PRSS37: variants seen among roughly 807,000 people sequenced by gnomAD.
PRSS37 encodes probable inactive serine protease 37.
PRSS37 carries 25 observed loss-of-function variants against 28.0 expected under a neutral mutation model. That is an observed-to-expected ratio of 0.89 (90% CI 0.65 to 1.25). The LOEUF is 1.25. PRSS37 is among the 50% of genes most tolerant of loss of function. The probability of loss-of-function intolerance (pLI) is 0.00; values close to 1 mark genes in which losing one functional copy is unlikely to be tolerated. For missense variants in PRSS37, 282 were observed against 292.2 expected, an observed-to-expected ratio of 0.97 and a Z score of 0.25; for synonymous variants, 109 against 107.8, an observed-to-expected ratio of 1.01 and a Z score of -0.07.
At chr7:141,839,813 A>G (rs1445879458) in intron 1 of PRSS37, among the ~76,000 whole-genome samples, 1 of 152,168 alleles carries the variant, frequency 6.6e-6, no homozygotes, top group African/African-American at 2.4e-5. Context: ...CTGTGACCTA[A>G]TCATTCCAAC....
chr7:141,839,512 A>T (rs1334705069), intron 1 of PRSS37, 33 bp from the exon 2 acceptor site: 1 of 1,519,590 alleles, frequency 6.6e-7, no homozygotes, highest in African/African-American at 1.4e-5. Flanking sequence ...TAATACATAA[A>T]TATTATAAAA....
chr7:141,838,782 G>T, intron 2 of PRSS37: 2 of 331,528 alleles, frequency 6.0e-6, no homozygotes, highest in Non-Finnish European at 5.9e-6. Context: ...ATCTCTCCTT[G>T]CCTCCTTTGA....
In PRSS37 at chr7:141,837,844, T is replaced by C; in HGVS notation, c.430+16A>G. 1.2e-6 allele frequency: 2 copies of C among 1,601,642 alleles called. No individual in the cohort carries two copies. The highest frequency in any genetic ancestry group is 1.7e-6 in the Non-Finnish European group (2 of 1,172,132). On this transcript the variant is annotated intron_variant, in intron 3 of 4. Transcript: ENST00000350549. ...GACAACTGATGACCCTGATTTGCTG[T>C]GGAAGGCACACTTACCACTGTTTTC...
rs754286777 is a variant in PRSS37, at chr7:141,838,062, A to T, written c.228T>A (p.Thr76=). The change falls in exon 3 of 5, where the codon ACT becomes ACA. Residue 76 remains threonine (T), a synonymous_variant. Coordinates refer to ENST00000350549, the MANE Select transcript of PRSS37 (RefSeq NM_001008270.3). Reference sequence around the variant, plus strand: ...TCTGAATGGGGTTAATTGTCTGTTCAGTACCGTCTCTGACTCTGCTCTTGA... The same window carrying T: ...TCTGAATGGGGTTAATTGTCTGTTCTGTACCGTCTCTGACTCTGCTCTTGA... ...GNFKSRVRDG[T]EQTINPIQIV... The T allele has an allele frequency of 1.2e-6, 2 of 1,614,136 alleles. No individual in the cohort carries two copies. The highest frequency in any genetic ancestry group is 1.7e-6 in the Non-Finnish European group (2 of 1,180,032).
chr7:141,840,906 A>T lies in PRSS37; in HGVS notation c.34+110T>A, dbSNP rs1474043383. The T allele has an allele frequency of 2.8e-6, 3 of 1,085,050 alleles. No homozygotes were observed. In the African/African-American group the frequency reaches 4.7e-5, roughly 17 times the overall value. 67.2% of individuals were successfully genotyped at this position (1,085,050 alleles called of 1,614,324 possible). ...AGAGGCAGGACTCCTAATTCTGCTGATGACACTATTTTTGACTCTTTTTCT... is the reference window on the plus strand; with the variant it reads ...AGAGGCAGGACTCCTAATTCTGCTGTTGACACTATTTTTGACTCTTTTTCT... On this transcript the variant is annotated intron_variant, in intron 1 of 4. Coordinates refer to ENST00000350549, the MANE Select transcript of PRSS37 (RefSeq NM_001008270.3).
In PRSS37 at chr7:141,837,222, G is replaced by A. The variant is rs1800992540; in HGVS notation, c.457C>T (p.Leu153=). 1 of 1,608,304 alleles carries A rather than the reference G, an allele frequency of 6.2e-7. No homozygotes were observed. Residue 153 remains leucine (L), a synonymous_variant, in exon 4 of 5, where the codon CTG becomes TTG. Transcript: ENST00000350549. ...SGRHPDLRQN[L]EAPVMSDREC... The stretch of plus-strand genomic sequence containing the variant: ...CGATCAGACATCACGGGGGCCTCCA[G>A]GTTCTGCCGCAAGTCAGGGTGTCGG...
chr7:141,838,621 C>G, intron 2 of PRSS37: 2 of 263,468 alleles, frequency 7.6e-6, no homozygotes, highest in East Asian at 2.1e-4. Flanking sequence ...ATAGGAAGCA[C>G]CAGAAAGTAA....
At chr7:141,839,200 T>C in intron 2 of PRSS37, 138 bp downstream of exon 2, 1 of 775,800 alleles carries the variant, frequency 1.3e-6, no homozygotes, top group South Asian at 1.8e-5. Flanking sequence ...CCAATAGCAC[T>C]GCCCCCTGGT....
intron 1 of PRSS37, among the ~76,000 whole-genome samples, chr7:141,840,227 C>T (rs1801110609): frequency 1.3e-5 from 2 of 152,090 alleles, no homozygotes; most frequent in African/African-American, 4.8e-5. Context: ...GTAATATGAA[C>T]ATATATTGTT....
chr7:141,841,013 T>C lies in PRSS37; in HGVS notation c.34+3A>G, dbSNP rs775440766. On this transcript the variant is annotated splice_donor_region_variant and intron_variant, in intron 1 of 4. Transcript: ENST00000350549. Reference sequence around the variant, plus strand: ...GACAGAGTACAAGGTCTTGAGTACATACCAGCGAGGACACCCAAATAGAAG... The same window carrying C: ...GACAGAGTACAAGGTCTTGAGTACACACCAGCGAGGACACCCAAATAGAAG... 1 of 1,613,504 alleles carries C rather than the reference T, an allele frequency of 6.2e-7. No individual in the cohort carries two copies. Among genetic ancestry groups the C allele is most frequent in the African/African-American group, 1.3e-5 (1 of 74,892 alleles).
intron 2 of PRSS37, 29 bp from the exon 3 acceptor site, chr7:141,838,142 T>A (rs201268967): frequency 2.5e-6 from 4 of 1,598,764 alleles, no homozygotes; most frequent in South Asian, 1.1e-5. Flanking sequence ...GAAGTAATCA[T>A]CATCATCATC....
chr7:141,841,296 A>G lies in PRSS37; in HGVS notation c.-247T>C, dbSNP rs1382493516. On this transcript the variant is annotated 5_prime_UTR_variant, in exon 1 of 5. Transcript: ENST00000350549. ...GTGCCTCTGTTGGGGCATTTCAGGG[A>G]AGGAAACTCCTGGATTCAGCTCCTT... 4.4e-6 allele frequency: 3 copies of G among 687,036 alleles called. No homozygotes were observed. Among genetic ancestry groups the G allele is most frequent in the Non-Finnish European group, 6.6e-6 (3 of 451,540 alleles). 42.6% of individuals were successfully genotyped at this position (687,036 alleles called of 1,614,324 possible).
chr7:141,841,137 G>T lies in PRSS37; in HGVS notation c.-88C>A. Reference sequence around the variant, plus strand: ...CTTAGTTGTCTTCTCAGGAACACCTGGTAGACTCAGTGGCTATGGTTAGAT... The same window carrying T: ...CTTAGTTGTCTTCTCAGGAACACCTTGTAGACTCAGTGGCTATGGTTAGAT... On this transcript the variant is annotated 5_prime_UTR_variant, in exon 1 of 5. Coordinates refer to ENST00000350549, the MANE Select transcript of PRSS37 (RefSeq NM_001008270.3). 6.2e-7 allele frequency: 1 copy of T among 1,600,824 alleles called. No individual in the cohort carries two copies. Among genetic ancestry groups the T allele is most frequent in the South Asian group, 1.1e-5 (1 of 89,896 alleles).
chr7:141,840,352 C>G, intron 1 of PRSS37, among the ~76,000 whole-genome samples: 1 of 152,154 alleles, frequency 6.6e-6, no homozygotes, highest in Non-Finnish European at 1.5e-5. Context: ...CTCCTGTTAA[C>G]CTTCCCCAAG....
chr7:141,839,465 C>G lies in PRSS37; in HGVS notation c.49G>C (p.Ala17Pro). 1 of 1,611,846 alleles carries G rather than the reference C, an allele frequency of 6.2e-7. No individual in the cohort carries two copies. ...LGVLAGTFFF[A>P]DSSVQKEDPA... ...TCTTCTTTCTGAACAGATGAGTCAG[C>G]AAAGAAAAATGTCCCTGAGAAAATA... is the stretch of plus-strand genomic sequence containing the variant. Residue 17 changes from alanine (A) to proline (P), a missense_variant, in exon 2 of 5, where the codon GCT (alanine) becomes CCT (proline). Coordinates refer to ENST00000350549, the MANE Select transcript of PRSS37 (RefSeq NM_001008270.3).
rs1487300526 is a variant in PRSS37, at chr7:141,837,974, C to T, written c.316G>A (p.Ala106Thr). 1.2e-6 allele frequency: 2 copies of T among 1,613,990 alleles called. No individual in the cohort carries two copies. The highest frequency in any genetic ancestry group is 1.7e-5 in the Admixed American group (1 of 60,002). The change falls in exon 3 of 5, where the codon GCT becomes ACT. Residue 106 changes from alanine to threonine, a missense_variant. Physicochemically the swap from Ala to Thr is moderately conservative, Grantham distance 58. Transcript: ENST00000350549. The part of the protein sequence containing the change: ...PQDDLMLIKL[A>T]KPAMLNPKVQ... ...TTGGGATTGAGCATGGCAGGCTTAG[C>T]CAGCTTGATGAGCATGAGGTCATCC...
chr7:141,837,588 A>G lies in PRSS37; in HGVS notation c.430+272T>C, dbSNP rs58694015. Reference sequence around the variant, plus strand: ...TGTTCATGTGAATTGTGTCTCTGCCAATCAGGAATGGCTGGGCCTCTGTGC... The same window carrying G: ...TGTTCATGTGAATTGTGTCTCTGCCGATCAGGAATGGCTGGGCCTCTGTGC... On this transcript the variant is annotated intron_variant, in intron 3 of 4. Transcript: ENST00000350549. 2,463 of 1,507,022 alleles carry G rather than the reference A, an allele frequency of 1.6e-3. 25 individuals are homozygous for G. The African/African-American group carries it at 0.029, about 18-fold the overall frequency. 93.4% of individuals were successfully genotyped at this position (1,507,022 alleles called of 1,614,324 possible).
chr7:141,839,597 A>G, intron 1 of PRSS37, 118 bp from the exon 2 acceptor site: 1 of 706,050 alleles, frequency 1.4e-6, no homozygotes, highest in Non-Finnish European at 2.3e-6. Flanking sequence ...AAGAAGTGTT[A>G]ACGTATTTGA....
Position 141,838,021 on chromosome 7 carries a change from T to C in PRSS37, c.269A>G (p.Asn90Ser), listed in dbSNP as rs1346784330. 2 of 1,614,176 alleles carry C rather than the reference T, an allele frequency of 1.2e-6. No individual in the cohort carries two copies. The highest frequency in any genetic ancestry group is 1.7e-6 in the Non-Finnish European group (2 of 1,180,026). The change falls in exon 3 of 5, where the codon AAC becomes AGC. Residue 90 changes from asparagine (N) to serine (S), a missense_variant. By Grantham distance (46) the Asn-to-Ser change is conservative. Coordinates refer to ENST00000350549, the MANE Select transcript of PRSS37 (RefSeq NM_001008270.3). ...INPIQIVRYW[N>S]YSHSAPQDDL... Reference sequence around the variant, plus strand: ...ATCCTGTGGGGCGCTATGACTGTAGTTCCAGTAGCGGACGATCTGAATGGG... The same window carrying C: ...ATCCTGTGGGGCGCTATGACTGTAGCTCCAGTAGCGGACGATCTGAATGGG...
Sources: allele counts gnomAD v4.1 joint callset (sites outside exome capture counted in the v4.1 genomes callset), GRCh38; gene constraint gnomAD v4.1.1; transcripts MANE v1.5; gene names NCBI Gene and HGNC (gene_info 2026-07-23, HGNC 2026-07-21).